The following ZNF799 variants were observed in gnomAD, a reference collection of about 807,000 sequenced individuals.
The protein encoded by ZNF799 is zinc finger protein 14.
In ZNF799, 28 loss-of-function variants were observed where a neutral mutation model predicts 41.0. The observed-to-expected ratio is 0.68, with a 90% CI of 0.51 to 0.94. The LOEUF (loss-of-function observed/expected upper bound fraction) is 0.94. ZNF799 is among the 40% of genes least tolerant of loss of function. The pLI is 0.00. For synonymous variants in ZNF799, 213 were observed against 252.9 expected (o/e 0.84, Z 1.50); for missense variants, 716 against 764.3 (o/e 0.94, Z 0.74).
Position 12,392,563 on chromosome 19 carries a change from G to T in ZNF799, c.191+40C>A, listed in dbSNP as rs141288756. On this transcript the variant is annotated intron_variant, in intron 3 of 3. Coordinates refer to ENST00000430385, the MANE Select transcript of ZNF799 (RefSeq NM_001080821.3). ...TAAATTTTCATATCATTCTCAGAAC[G>T]GCTCCAGGGACATATCTTTCTCTTG... The T allele has an allele frequency of 6.8e-4, 1,010 of 1,491,376 alleles. 10 individuals are homozygous for T. The African/African-American group carries it at 0.012, about 18-fold the overall frequency. The allele number at this position is 1,491,376 out of a possible 1,614,324, so 92.4% of individuals were successfully genotyped here. A position where few individuals can be genotyped will look rare whatever the true frequency, so the allele number is the denominator to read the frequency against.
chr19:12,399,372 TTC>T (rs147308343), intron 1 of ZNF799, among the ~76,000 whole-genome samples: 3,596 of 152,084 alleles, frequency 0.024, 144 homozygotes, highest in African/African-American at 0.082. Context: ...CAAAAATCAT[TTC>T]TGTTTTTTTT....
At chr19:12,393,869 G>A (rs1419042141) in intron 1 of ZNF799, 10 of 449,378 alleles carry the variant, frequency 2.2e-5, no homozygotes, top group Non-Finnish European at 2.4e-5. Flanking sequence ...AGGGCCCCAG[G>A]AGCGTAACTA....
intron 1 of ZNF799, among the ~76,000 whole-genome samples, chr19:12,397,564 CAAAA>C (rs1163640631): frequency 6.1e-5 from 4 of 65,516 alleles, no homozygotes; most frequent in African/African-American, 5.4e-5. Context: ...GACCCTGTCT[CAAAA>C]AAAAAAAAAA....
In ZNF799 at chr19:12,390,529, A is replaced by C. The variant is rs745843238; in HGVS notation, c.1869T>G (p.Cys623Trp). The change falls in exon 4 of 4, where the codon TGT becomes TGG. Residue 623 changes from cysteine to tryptophan, a missense_variant. By Grantham distance (215) the Cys-to-Trp change is radical. Coordinates refer to ENST00000430385, the MANE Select transcript of ZNF799 (RefSeq NM_001080821.3). Reference sequence around the variant, plus strand: ...AAGCAAATGCTTTCCCACATTCCTTACATCCATACGGGTTCTCTCCAGTGT... The same window carrying C: ...AAGCAAATGCTTTCCCACATTCCTTCCATCCATACGGGTTCTCTCCAGTGT... ...KTHTGENPYG[C>W]KECGKAFASL... 2 of 1,613,880 alleles carry C rather than the reference A, an allele frequency of 1.2e-6. No individual in the cohort carries two copies. Among genetic ancestry groups the C allele is most frequent in the Non-Finnish European group, 1.7e-6 (2 of 1,179,768 alleles).
At chr19:12,401,601 G>GAGAGAGAGAGAGAGAGAGA (rs1568505711), upstream of ZNF799, among the ~76,000 whole-genome samples, 2 of 114,298 alleles carry the variant, frequency 1.7e-5, no homozygotes, top group African/African-American at 7.5e-5. Context: ...AGAGAGAGAG[G>GAGAGAGAGAGAGAGAGAGA]GAGTCTTGCT....
intron 1 of ZNF799, among the ~76,000 whole-genome samples, chr19:12,397,707 A>G (rs1049476139): frequency 6.6e-6 from 1 of 152,132 alleles, no homozygotes; most frequent in African/African-American, 2.4e-5. Context: ...ACCGACAAGT[A>G]TAACAAATGT....
chr19:12,398,518 T>C (rs1392833062), intron 1 of ZNF799, among the ~76,000 whole-genome samples: 2 of 152,214 alleles, frequency 1.3e-5, no homozygotes, highest in Non-Finnish European at 2.9e-5. Context: ...TTCCAGACAA[T>C]GAATGTCATT....
rs1286758009 is a variant in ZNF799, at chr19:12,401,173, G to C, written c.-103C>G. 1 of 1,601,326 alleles carries C rather than the reference G, an allele frequency of 6.2e-7. No individual in the cohort carries two copies. Among genetic ancestry groups the C allele is most frequent in the Non-Finnish European group, 8.5e-7 (1 of 1,175,194 alleles). ...CACGGAACTTCCAGGTCGTCTCTTA[G>C]CTACAGAGCCGAGCACCGAGCGCCC... On this transcript the variant is annotated 5_prime_UTR_variant, in exon 1 of 4. Transcript: ENST00000430385.
intron 1 of ZNF799, among the ~76,000 whole-genome samples, chr19:12,399,088 T>A (rs1006727177): frequency 5.9e-5 from 9 of 152,198 alleles, no homozygotes; most frequent in African/African-American, 2.2e-4. Context: ...ATTTTAAGGT[T>A]AATCAAAAAT....
chr19:12,404,812 C>T (rs899127789), upstream of ZNF799, among the ~76,000 whole-genome samples: 13 of 152,224 alleles, frequency 8.5e-5, no homozygotes, highest in South Asian at 2.1e-4. Flanking sequence ...CCTGGTAAAA[C>T]GGATTATGAT....
the ZNF799 span, among the ~76,000 whole-genome samples, chr19:12,412,941 G>C: frequency 1.3e-5 from 2 of 150,096 alleles, no homozygotes; most frequent in African/African-American, 2.5e-5. Context: ...TGAGGCAGGA[G>C]AATCGCTTGA....
Position 12,390,858 on chromosome 19 carries a change from T to C in ZNF799, c.1540A>G (p.Ser514Gly), listed in dbSNP as rs1456397462. The C allele has an allele frequency of 1.2e-6, 2 of 1,614,150 alleles. No individual in the cohort carries two copies. Among genetic ancestry groups the C allele is most frequent in the South Asian group, 1.1e-5 (1 of 91,084 alleles). Residue 514 changes from serine to glycine, a missense_variant, in exon 4 of 4, where the codon AGT becomes GGT. By Grantham distance (56) the Ser-to-Gly change is moderately conservative (BLOSUM62 0). Around this residue, in one of 2 missense-constraint regions of ZNF799, gnomAD observed 698 missense variants for 713.6 expected, o/e 0.98. Coordinates refer to ENST00000430385, the MANE Select transcript of ZNF799 (RefSeq NM_001080821.3). ...TGTACTTTTAAGTTACCAAAATGACTGAAGGCTTTCTTACATGTGTTACAC... is the reference window on the plus strand; with the variant it reads ...TGTACTTTTAAGTTACCAAAATGACCGAAGGCTTTCTTACATGTGTTACAC... Reference protein sequence around the residue: ...YECNTCKKAFSHFGNLKVHER... With the variant: ...YECNTCKKAFGHFGNLKVHER...
At chr19:12,394,594 A>C in intron 1 of ZNF799, 2 of 985,432 alleles carry the variant, frequency 2.0e-6, no homozygotes, top group Non-Finnish European at 2.4e-6. Flanking sequence ...ATGACAACAG[A>C]CTGAGAAAAG....
At chr19:12,403,709 T>C (rs1284583262), upstream of ZNF799, among the ~76,000 whole-genome samples, 2 of 152,046 alleles carry the variant, frequency 1.3e-5, no homozygotes, top group Non-Finnish European at 1.5e-5. Context: ...CCCACCACCA[T>C]GTCTGGTTAA....
chr19:12,401,379 A>G (rs1311371952), upstream of ZNF799: 4 of 703,092 alleles, frequency 5.7e-6, no homozygotes, highest in South Asian at 2.2e-5. Flanking sequence ...GTGGAGCCAG[A>G]TGAGCAAGTT....
At chr19:12,404,201 C>T (rs748508090), upstream of ZNF799, among the ~76,000 whole-genome samples, 58 of 152,082 alleles carry the variant, frequency 3.8e-4, no homozygotes, top group Non-Finnish European at 6.9e-4. Flanking sequence ...TGCATGTGCT[C>T]GGGAAAAATA....
Position 12,392,108 on chromosome 19 carries a change from A to C in ZNF799, c.290T>G (p.Leu97Arg). 6.2e-7 allele frequency: 1 copy of C among 1,614,180 alleles called. No individual in the cohort carries two copies. Among genetic ancestry groups the C allele is most frequent in the South Asian group, 1.1e-5 (1 of 91,076 alleles). ...IQDSIVTKNT[L>R]PGVGPYESRM... Reference sequence around the variant, plus strand: ...GCTTTCATATGGACCTACTCCAGGAAGAGTGTTCTTGGTCACAATACTATC... The same window carrying C: ...GCTTTCATATGGACCTACTCCAGGACGAGTGTTCTTGGTCACAATACTATC... The change falls in exon 4 of 4, where the codon CTT becomes CGT. Residue 97 changes from leucine (L) to arginine (R), a missense_variant. Coordinates refer to ENST00000430385, the MANE Select transcript of ZNF799 (RefSeq NM_001080821.3).
At chr19:12,413,145 T>G in the ZNF799 span, among the ~76,000 whole-genome samples, 1 of 151,874 alleles carries the variant, frequency 6.6e-6, no homozygotes, top group Admixed American at 6.6e-5. Flanking sequence ...TGTAACCTAC[T>G]GACATCAAAA....
At position 12,390,680 on chromosome 19, in the gene ZNF799, C is replaced by T. The variant is rs750412987; in HGVS notation, c.1718G>A (p.Arg573His). Residue 573 changes from arginine (R) to histidine (H), a missense_variant, in exon 4 of 4, where the codon CGT (arginine) becomes CAT (histidine). Transcript: ENST00000430385. ...QQCGKAFTHS[R>H]FLQGHEKTHT... ...AGTTTTTTCATGTCCTTGAAGAAAA[C>T]GGGAATGAGTGAAGGCTTTACCACA... 1.2e-6 allele frequency: 2 copies of T among 1,613,406 alleles called. No individual in the cohort carries two copies. Among genetic ancestry groups the T allele is most frequent in the Non-Finnish European group, 1.7e-6 (2 of 1,179,762 alleles).
Sources: gnomAD v4.1 joint callset for allele counts (sites outside exome capture counted in the v4.1 genomes callset) on GRCh38, gnomAD v4.1.1 for gene constraint, gnomAD v4.1.1 regional missense constraint, MANE v1.5 for transcripts, NCBI Gene and HGNC (gene_info 2026-07-23, HGNC 2026-07-21) for gene names.